FAM193B: variants seen among roughly 807,000 people sequenced by gnomAD.
The protein encoded by FAM193B is family with sequence similarity 193 member B.
FAM193B carries 27 observed loss-of-function variants against 70.7 expected under a neutral mutation model. The ratio of observed to expected loss-of-function variants is 0.38; its 90% CI spans 0.28 to 0.53. FAM193B has a LOEUF of 0.53. FAM193B is among the 20% of genes least tolerant of loss of function. The pLI, the probability that FAM193B is intolerant of heterozygous loss-of-function variation, is 0.81. For synonymous variants in FAM193B, 448 were observed against 436.0 expected, an observed-to-expected ratio of 1.03 and a Z score of -0.34; for missense variants, 1,022 against 1,072.5, an observed-to-expected ratio of 0.95 and a Z score of 0.66.
intron 5 of FAM193B, among the ~76,000 whole-genome samples, chr5:177,526,080 A>G (rs1463904702): frequency 2.6e-5 from 4 of 152,210 alleles, no homozygotes; most frequent in African/African-American, 9.6e-5. Context: ...ATGGAGGAAG[A>G]GAAACATGAA....
intron 1 of FAM193B, among the ~76,000 whole-genome samples, chr5:177,551,102 C>T (rs1019270279): frequency 4.6e-5 from 7 of 152,072 alleles, no homozygotes; most frequent in South Asian, 4.2e-4. Flanking sequence ...CCCAAAGTGC[C>T]GGGATTACAG....
In FAM193B at chr5:177,554,465, G is replaced by A. The variant is rs1766787335; in HGVS notation, c.-7C>T. On this transcript the variant is annotated 5_prime_UTR_variant, in exon 1 of 9. Coordinates refer to ENST00000514747, the MANE Select transcript of FAM193B (RefSeq NM_001190946.3). ...TGCTCCGCCTCCGCGTCATGCCGCC[G>A]CTCGCGCCGCTCCCTCGCTCCACAC... The A allele has an allele frequency of 2.1e-6, 2 of 967,026 alleles. No individual in the cohort carries two copies. The highest frequency in any genetic ancestry group is 2.4e-5 in the African/African-American group (1 of 41,500). The allele number at this position is 967,026 out of a possible 1,614,324, so 59.9% of individuals were successfully genotyped here. A position where few individuals can be genotyped will look rare whatever the true frequency, so the allele number is the denominator to read the frequency against.
At chr5:177,521,356 C>T (rs2060240057) in intron 8 of FAM193B, among the ~76,000 whole-genome samples, 1 of 152,206 alleles carries the variant, frequency 6.6e-6, no homozygotes, top group South Asian at 2.1e-4. Context: ...GTGTGGGTGG[C>T]TGGGAGGGGA....
At chr5:177,526,524 T>A (rs145624352) in intron 5 of FAM193B, among the ~76,000 whole-genome samples, 5 of 151,888 alleles carry the variant, frequency 3.3e-5, no homozygotes, top group African/African-American at 1.2e-4. Context: ...ACAGAAAAGT[T>A]TGGCTGCTAA....
At chr5:177,543,479 G>A (rs1043426374) in intron 1 of FAM193B, among the ~76,000 whole-genome samples, 1 of 152,236 alleles carries the variant, frequency 6.6e-6, no homozygotes, top group Non-Finnish European at 1.5e-5. Flanking sequence ...TGGTACACTT[G>A]AGTCCTTCTT....
intron 4 of FAM193B, among the ~76,000 whole-genome samples, chr5:177,533,553 G>A (rs939559381): frequency 6.6e-6 from 1 of 152,158 alleles, no homozygotes; most frequent in Non-Finnish European, 1.5e-5. Context: ...TGATCCACCT[G>A]CCTCGGCCTC....
At position 177,538,894 on chromosome 5, in the gene FAM193B, C is replaced by T. The variant is rs762177379; in HGVS notation, c.453+11G>A. On this transcript the variant is annotated intron_variant, in intron 2 of 8. Coordinates refer to ENST00000514747, the MANE Select transcript of FAM193B (RefSeq NM_001190946.3). This position sits in a 1 kb window ranked among gnomAD's most constrained non-coding sequence, Gnocchi z 4.1. ...TCCTGCATTCAGGGACCCCTGTCAG[C>T]GGTTACCTACCGCCACTGCATGTTC... is the stretch of plus-strand genomic sequence containing the variant. The T allele has an allele frequency of 1.2e-5, 19 of 1,612,888 alleles. No individual in the cohort carries two copies. The highest frequency in any genetic ancestry group is 5.5e-5 in the South Asian group (5 of 90,996).
At position 177,524,881 on chromosome 5, in the gene FAM193B, G is replaced by A. The variant is rs942164153; in HGVS notation, c.1600C>T (p.Leu534=). Residue 534 remains leucine (L), a synonymous_variant, in exon 6 of 9, where the codon CTG becomes TTG. Transcript: ENST00000514747. ...SEQQPDINLD[L]SPLTLGSPQN... ...GGGGAGCCCAAAGTCAAAGGGGACA[G>A]GTCAAGGTTGATGTCAGGCTGCTGC... is the stretch of plus-strand genomic sequence containing the variant. The A allele has an allele frequency of 2.7e-5, 41 of 1,510,934 alleles. No individual in the cohort carries two copies. Among genetic ancestry groups the A allele is most frequent in the Non-Finnish European group, 3.4e-5 (39 of 1,131,294 alleles). 93.6% of individuals were successfully genotyped at this position (1,510,934 alleles called of 1,614,324 possible). A position where few individuals can be genotyped will look rare whatever the true frequency, so the allele number is the denominator to read the frequency against.
chr5:177,528,670 G>A (rs1762993791), intron 5 of FAM193B, among the ~76,000 whole-genome samples: 1 of 152,240 alleles, frequency 6.6e-6, no homozygotes, highest in Admixed American at 6.5e-5. Flanking sequence ...GAAATAAAAA[G>A]TGAGGCTATT....
In FAM193B at chr5:177,536,367, C is replaced by A; in HGVS notation, c.1067G>T (p.Ser356Ile). 6.2e-7 allele frequency: 1 copy of A among 1,608,876 alleles called. No individual in the cohort carries two copies. Among genetic ancestry groups the A allele is most frequent in the Non-Finnish European group, 8.5e-7 (1 of 1,178,486 alleles). Residue 356 changes from serine (S) to isoleucine (I), a missense_variant, in exon 4 of 9, where the codon AGC becomes ATC. Physicochemically the swap from Ser to Ile is moderately radical, Grantham distance 142. Coordinates refer to ENST00000514747, the MANE Select transcript of FAM193B (RefSeq NM_001190946.3). ...CATGCAGCACACTTACCTGTGAGTG[C>A]TAGGGAGTGGCTGAGAGCTCGGGGG... ...LPPPSSQPLP[S>I]THRDPGCKGH...
chr5:177,537,873 C>T lies in FAM193B; in HGVS notation c.688G>A (p.Gly230Ser), dbSNP rs775303970. ...CTCTCTCCCGAGCCTGGAGACTCAC[C>T]GGGGATGGTAGGAGGACTCCCAAGA... ...SSLGSPPTIP[G>S]EAFPVSEHHQ... The change falls in exon 3 of 9, where the codon GGT becomes AGT. Residue 230 changes from glycine to serine, a missense_variant and splice_region_variant. Physicochemically the swap from Gly to Ser is moderately conservative, Grantham distance 56. Transcript: ENST00000514747. 5.0e-6 allele frequency: 8 copies of T among 1,606,720 alleles called. No homozygotes were observed. Among genetic ancestry groups the T allele is most frequent in the Non-Finnish European group, 5.1e-6 (6 of 1,175,684 alleles).
At chr5:177,535,495 T>C (rs1764062466) in intron 4 of FAM193B, among the ~76,000 whole-genome samples, 1 of 152,254 alleles carries the variant, frequency 6.6e-6, no homozygotes, top group African/African-American at 2.4e-5. Context: ...ATAACCTTTC[T>C]TAGTACTTAA....
chr5:177,534,464 T>A (rs1026613803), intron 4 of FAM193B, among the ~76,000 whole-genome samples: 5 of 144,650 alleles, frequency 3.5e-5, no homozygotes, highest in African/African-American at 1.3e-4. Flanking sequence ...GCCCAGCTAA[T>A]TTTTTTTTTT....
At chr5:177,531,654 T>C in intron 5 of FAM193B, 1 of 822,032 alleles carries the variant, frequency 1.2e-6, no homozygotes, top group South Asian at 1.8e-5. Flanking sequence ...CAAGGCCACA[T>C]GGCTTCACCC....
At chr5:177,554,018 A>G (rs1360738397) in intron 1 of FAM193B, 2 of 1,313,416 alleles carry the variant, frequency 1.5e-6, no homozygotes, top group Non-Finnish European at 2.0e-6. Flanking sequence ...CGGCGGGGAG[A>G]GGGGAGCAGC....
chr5:177,544,752 AC>A lies in FAM193B; in HGVS notation c.211-5606del, dbSNP rs370667177. 3.1e-3 allele frequency among the ~76,000 whole-genome samples: 477 copies of A among 152,362 alleles called. 4 individuals carry two copies. The highest frequency in any genetic ancestry group is 0.011 in the African/African-American group (455 of 41,594). On this transcript the variant is annotated intron_variant, in intron 1 of 8. Transcript: ENST00000514747. The stretch of plus-strand genomic sequence containing the variant: ...ATCCAGTGAGCCTATTTTCCAAATG[AC>A]CAAAGCATGATGGATTCAAAGCACT...
At position 177,546,898 on chromosome 5, in the gene FAM193B, A is replaced by C. The variant is rs1002647074; in HGVS notation, c.210+7351T>G. Reference sequence around the variant, plus strand: ...CTCCTGGGTGCAATGAGCCACAAGGAGGGCCCAAGCCGCAGATTTACCTGA... The same window carrying C: ...CTCCTGGGTGCAATGAGCCACAAGGCGGGCCCAAGCCGCAGATTTACCTGA... On this transcript the variant is annotated intron_variant, in intron 1 of 8. Transcript: ENST00000514747. Among the ~76,000 whole-genome samples the C allele has an allele frequency of 2.6e-5, 4 of 152,314 alleles. No homozygotes were observed. In the East Asian group the frequency reaches 7.7e-4, roughly 29 times the overall value.
intron 5 of FAM193B, chr5:177,531,707 A>G: frequency 1.6e-6 from 1 of 611,284 alleles, no homozygotes; most frequent in South Asian, 1.9e-5. Flanking sequence ...TGAAGGGACT[A>G]GGAGGGAACA....
At position 177,554,508 on chromosome 5, in the gene FAM193B, C is replaced by A. The variant is rs1235484397; in HGVS notation, c.-50G>T. 2.3e-6 allele frequency: 2 copies of A among 875,580 alleles called. No individual in the cohort carries two copies. Among genetic ancestry groups the A allele is most frequent in the African/African-American group, 3.7e-5 (2 of 53,784 alleles). The allele number at this position is 875,580 out of a possible 1,614,324, so 54.2% of individuals were successfully genotyped here. A position where few individuals can be genotyped will look rare whatever the true frequency, so the allele number is the denominator to read the frequency against. The stretch of plus-strand genomic sequence containing the variant: ...CTCCACACGCCGCCGCCGCCGCCGC[C>A]GCCGCCGCCGCCGCCGCCGCCGCTA... On this transcript the variant is annotated 5_prime_UTR_variant, in exon 1 of 9. Transcript: ENST00000514747.
Sources: gnomAD v4.1 joint callset for allele counts (sites outside exome capture counted in the v4.1 genomes callset) on GRCh38, gnomAD v4.1.1 for gene constraint, Gnocchi (gnomAD v3.1) non-coding constraint, MANE v1.5 for transcripts, NCBI Gene and HGNC (gene_info 2026-07-23, HGNC 2026-07-21) for gene names.